The following ZNF804B variants were observed in gnomAD, a reference collection of about 807,000 sequenced individuals.
ZNF804B encodes the protein zinc finger protein 804B, also known as zinc finger 804B.
ZNF804B carries 80 observed loss-of-function variants against 101.4 expected under a neutral mutation model. The ratio of observed to expected loss-of-function variants is 0.79; its 90% CI spans 0.66 to 0.95. ZNF804B has a LOEUF of 0.95. Ranked by LOEUF, ZNF804B falls within the 40% of genes least tolerant of loss-of-function variation. The pLI is 0.00. For missense variants in ZNF804B, 1,673 were observed against 1,561.9 expected (o/e 1.07, Z -1.20); for synonymous variants, 622 against 558.8 (o/e 1.11, Z -1.59).
intron 1 of ZNF804B, among the ~76,000 whole-genome samples, chr7:88,993,534 A>G (rs1793878103): frequency 1.3e-5 from 2 of 152,048 alleles, no homozygotes; most frequent in Admixed American, 6.6e-5. Context: ...TGACCCAAAA[A>G]GAATAGTTCC....
At chr7:89,236,401 T>C (rs1426820095) in intron 2 of ZNF804B, among the ~76,000 whole-genome samples, 1 of 152,074 alleles carries the variant, frequency 6.6e-6, no homozygotes, top group East Asian at 1.9e-4. Context: ...AATTACAAAA[T>C]TCCCCATGGT....
At chr7:88,818,968 A>C (rs535696249) in intron 1 of ZNF804B, among the ~76,000 whole-genome samples, 21 of 152,188 alleles carry the variant, frequency 1.4e-4, no homozygotes, top group Non-Finnish European at 3.1e-4. Flanking sequence ...TATAATTAGA[A>C]CATTTTAGGC....
chr7:89,058,905 G>T (rs1789334998), intron 1 of ZNF804B, among the ~76,000 whole-genome samples: 1 of 152,096 alleles, frequency 6.6e-6, no homozygotes, highest in South Asian at 2.1e-4. Flanking sequence ...TGTTGCCCAG[G>T]CTGGTCTCTA....
intron 1 of ZNF804B, among the ~76,000 whole-genome samples, chr7:89,157,370 C>A (rs955944123): frequency 1.3e-5 from 2 of 152,200 alleles, no homozygotes; most frequent in South Asian, 2.1e-4. Context: ...AGAGAGAAAG[C>A]TTTTGATTGT....
chr7:89,034,610 A>G (rs537246550), intron 1 of ZNF804B, among the ~76,000 whole-genome samples: 5 of 152,272 alleles, frequency 3.3e-5, no homozygotes, highest in Non-Finnish European at 7.4e-5. Flanking sequence ...ATAGTATTTC[A>G]TGGTGTATGT....
intron 1 of ZNF804B, among the ~76,000 whole-genome samples, chr7:89,014,596 G>A (rs1285362861): frequency 6.6e-6 from 1 of 152,228 alleles, no homozygotes; most frequent in African/African-American, 2.4e-5. Flanking sequence ...GATTACAGGT[G>A]TGAGCCACCG....
At chr7:89,201,498 C>T (rs1788636492) in intron 1 of ZNF804B, among the ~76,000 whole-genome samples, 1 of 151,762 alleles carries the variant, frequency 6.6e-6, no homozygotes, top group Admixed American at 6.6e-5. Flanking sequence ...GTTGATTGGT[C>T]CACCAAAAGC....
At chr7:88,794,708 G>T (rs1418895335) in intron 1 of ZNF804B, 2 of 1,613,622 alleles carry the variant, frequency 1.2e-6, no homozygotes, top group Admixed American at 3.3e-5. Flanking sequence ...CCTAGGTGAT[G>T]TTTCAAAACT....
rs568086198 is a variant in ZNF804B at position 88,917,785 on chromosome 7, C to A, written c.108+157701C>A. ...GCCACAATATTCTAGTGACAGTAAACCCTGACACCTCTGTTTCCATTCTGT... is the reference window on the plus strand; with the variant it reads ...GCCACAATATTCTAGTGACAGTAAAACCTGACACCTCTGTTTCCATTCTGT... On this transcript the variant is annotated intron_variant, in intron 1 of 3. Coordinates refer to ENST00000333190, the MANE Select transcript of ZNF804B (RefSeq NM_181646.5). Among the ~76,000 whole-genome samples the A allele has an allele frequency of 1.2e-4, 19 of 152,216 alleles. No homozygotes were observed. In the South Asian group the frequency reaches 3.9e-3, roughly 32 times the overall value.
At chr7:88,939,351 G>A (rs569802762) in intron 1 of ZNF804B, among the ~76,000 whole-genome samples, 2 of 151,906 alleles carry the variant, frequency 1.3e-5, no homozygotes, top group South Asian at 4.2e-4. Context: ...TTTTGTTGTT[G>A]TAATGTTAAT....
chr7:89,112,022 C>T (rs1490640221), intron 1 of ZNF804B, among the ~76,000 whole-genome samples: 1 of 148,966 alleles, frequency 6.7e-6, no homozygotes, highest in Non-Finnish European at 1.5e-5. Flanking sequence ...CGGAGAATCG[C>T]TTGAACCTGG....
At chr7:89,163,471 A>G (rs960776742) in intron 1 of ZNF804B, among the ~76,000 whole-genome samples, 6 of 152,272 alleles carry the variant, frequency 3.9e-5, no homozygotes, top group Middle Eastern at 3.4e-3. Flanking sequence ...CAGATAAATT[A>G]TTAAAGAATC....
At chr7:89,197,183 C>A (rs1042177825) in intron 1 of ZNF804B, among the ~76,000 whole-genome samples, 7 of 151,846 alleles carry the variant, frequency 4.6e-5, no homozygotes, top group Non-Finnish European at 8.8e-5. Context: ...TCCTGCACAT[C>A]CTGCAGAGAT....
chr7:88,853,395 G>T (rs1375733738), intron 1 of ZNF804B, among the ~76,000 whole-genome samples: 1 of 152,062 alleles, frequency 6.6e-6, no homozygotes, highest in Non-Finnish European at 1.5e-5. Flanking sequence ...TGATGTCAAG[G>T]CTCCATAAAA....
intron 1 of ZNF804B, among the ~76,000 whole-genome samples, chr7:89,087,339 A>T (rs1289645050): frequency 1.4e-5 from 1 of 71,014 alleles, no homozygotes; most frequent in Non-Finnish European, 2.6e-5. Flanking sequence ...TTCTGATTAT[A>T]AAAAAAAAGG....
At chr7:89,292,561 AC>A (rs2115900106) in intron 2 of ZNF804B, among the ~76,000 whole-genome samples, 1 of 152,202 alleles carries the variant, frequency 6.6e-6, no homozygotes, top group South Asian at 2.1e-4. Context: ...CAACAAATAC[AC>A]AAAAAATAGA....
chr7:88,877,026 A>ATATT (rs1491138122), intron 1 of ZNF804B, among the ~76,000 whole-genome samples: 1 of 41,096 alleles, frequency 2.4e-5, no homozygotes, highest in African/African-American at 1.7e-4. Flanking sequence ...ATATATATAT[A>ATATT]ATATATATAT....
At chr7:89,182,357 T>TAGAAAAATTTA (rs1788310632) in intron 1 of ZNF804B, among the ~76,000 whole-genome samples, 1 of 152,148 alleles carries the variant, frequency 6.6e-6, no homozygotes, top group Non-Finnish European at 1.5e-5. Context: ...TAAAAAGATA[T>TAGAAAAATTTA]GTGACAATAG....
intron 1 of ZNF804B, among the ~76,000 whole-genome samples, chr7:89,053,141 A>G (rs1487116961): frequency 6.6e-6 from 1 of 152,172 alleles, no homozygotes; most frequent in Non-Finnish European, 1.5e-5. Context: ...AGAATTTTGT[A>G]AAAGACGTTC....
Sources: gnomAD v4.1 joint callset for allele counts (sites outside exome capture counted in the v4.1 genomes callset) on GRCh38, gnomAD v4.1.1 for gene constraint, MANE v1.5 for transcripts, NCBI Gene and HGNC (gene_info 2026-07-23, HGNC 2026-07-21) for gene names.